The following FYCO1 variants were observed in gnomAD, a reference collection of about 807,000 sequenced individuals.
FYCO1 encodes FYVE and coiled-coil domain-containing protein 1.
Under a neutral mutation model 165.1 loss-of-function variants are expected in FYCO1, and 122 were observed. That is an observed-to-expected ratio of 0.74 (90% CI 0.64 to 0.86). FYCO1 has a LOEUF of 0.86. Among genes scored for constraint, FYCO1 ranks in the 40% least tolerant of loss-of-function variants. The pLI is 0.00. For synonymous variants in FYCO1, 648 were observed against 742.5 expected (o/e 0.87, Z 2.07); for missense variants, 1,702 against 1,810.3 (o/e 0.94, Z 1.09).
chr3:45,969,939 CAG>C (rs1197503220), intron 6 of FYCO1, among the ~76,000 whole-genome samples, 174 bp from the exon 7 acceptor site: 6 of 152,244 alleles, frequency 3.9e-5, no homozygotes, highest in African/African-American at 1.4e-4. Context: ...TGGTCTGTAA[CAG>C]ATAAATTCCA....
rs776140083 is a variant in FYCO1, at chr3:45,968,114, A to T, written c.1220T>A (p.Leu407His). 1 of 1,614,084 alleles carries T rather than the reference A, an allele frequency of 6.2e-7. No homozygotes were observed. The highest frequency in any genetic ancestry group is 1.6e-4 in the Middle Eastern group (1 of 6,062). Residue 407 changes from leucine to histidine, a missense_variant, in exon 8 of 18, where the codon CTT becomes CAT. Physicochemically the swap from Leu to His is moderately conservative, Grantham distance 99. Transcript: ENST00000296137. ...GGTTCTCTCCCTTTCTAGGGCTTGA[A>T]GCTTCTCCCCTAGCTCCTGCATCTC... Reference protein sequence around the residue: ...AQEMQELGEKLQALERERTKV... With the variant: ...AQEMQELGEKHQALERERTKV...
At chr3:45,932,276 G>A (rs1489841591) in intron 15 of FYCO1, among the ~76,000 whole-genome samples, 1 of 152,212 alleles carries the variant, frequency 6.6e-6, no homozygotes, top group Non-Finnish European at 1.5e-5. Flanking sequence ...TGCAACTTAG[G>A]AGCAGTGTGG....
chr3:45,950,115 C>T (rs1030041671), intron 14 of FYCO1, among the ~76,000 whole-genome samples: 1 of 152,114 alleles, frequency 6.6e-6, no homozygotes, highest in African/African-American at 2.4e-5. Context: ...TCTCAGCCCA[C>T]CCTTCTCCCT....
chr3:45,972,455 A>G (rs1706495071), intron 6 of FYCO1, among the ~76,000 whole-genome samples: 1 of 152,220 alleles, frequency 6.6e-6, no homozygotes, highest in South Asian at 2.1e-4. Flanking sequence ...AGCAAAACAA[A>G]ACAAAGAACA....
chr3:45,956,259 C>T (rs1408794777), intron 13 of FYCO1, among the ~76,000 whole-genome samples: 3 of 151,910 alleles, frequency 2.0e-5, no homozygotes, highest in Non-Finnish European at 2.9e-5. Flanking sequence ...TCACATGAAC[C>T]CAGGAGGCAG....
rs771271094 is a variant in FYCO1 at position 45,959,518 on chromosome 3, C to A, written c.3462G>T (p.Lys1154Asn). The A allele has an allele frequency of 6.2e-7, 1 of 1,614,070 alleles. No homozygotes were observed. The highest frequency in any genetic ancestry group is 1.1e-5 in the South Asian group (1 of 91,090). Residue 1154 changes from lysine to asparagine, a missense_variant, in exon 12 of 18, where the codon AAG becomes AAT. Lys to Asn is a moderately conservative substitution (Grantham distance 94). Transcript: ENST00000296137. ...TCTGCTGGAATTCCAGGGCATCTGA[C>A]TTCTGCCAGAGAGCATCCTTGTCCC... is the stretch of plus-strand genomic sequence containing the variant. The part of the protein sequence containing the change: ...LLRDKDALWQ[K>N]SDALEFQQKL...
chr3:45,956,284 C>T (rs1376885714), intron 13 of FYCO1, among the ~76,000 whole-genome samples: 1 of 151,064 alleles, frequency 6.6e-6, no homozygotes, highest in African/African-American at 2.4e-5. Context: ...TGCAGTGAGC[C>T]GAGATCGTAC....
At chr3:45,937,101 A>G (rs932150128) in intron 14 of FYCO1, among the ~76,000 whole-genome samples, 7 of 152,190 alleles carry the variant, frequency 4.6e-5, no homozygotes, top group African/African-American at 1.7e-4. Flanking sequence ...TGGAGCCAGA[A>G]CTAGATACCC....
intron 14 of FYCO1, chr3:45,938,101 G>A (rs775221274): frequency 8.8e-5 from 56 of 638,222 alleles, no homozygotes; most frequent in South Asian, 7.7e-4. Flanking sequence ...CAATTTTCCC[G>A]CATTCAGGAT....
At chr3:45,969,608 T>A (rs1434480892) in intron 7 of FYCO1, 67 bp downstream of exon 7, 4 of 1,263,552 alleles carry the variant, frequency 3.2e-6, no homozygotes, top group Non-Finnish European at 3.5e-6. Context: ...ACCCTTGAGT[T>A]GCTAGGGGCA....
intron 3 of FYCO1, among the ~76,000 whole-genome samples, chr3:45,980,498 A>G (rs1050194016): frequency 6.6e-6 from 1 of 152,234 alleles, no homozygotes; most frequent in Non-Finnish European, 1.5e-5. Flanking sequence ...CACCTACAAT[A>G]AATTTAAATA....
chr3:45,954,588 T>C (rs1306227286), intron 14 of FYCO1, among the ~76,000 whole-genome samples: 2 of 152,328 alleles, frequency 1.3e-5, no homozygotes, highest in South Asian at 2.1e-4. Context: ...GTTGCTGTTA[T>C]AGGCTGAATC....
At chr3:45,992,652 C>T (rs1559471265) in intron 1 of FYCO1, among the ~76,000 whole-genome samples, 1 of 152,284 alleles carries the variant, frequency 6.6e-6, no homozygotes, top group East Asian at 1.9e-4. Context: ...GAGAGGTAAA[C>T]TTCCTTCATG....
intron 1 of FYCO1, among the ~76,000 whole-genome samples, chr3:45,989,658 T>A (rs779457362): frequency 6.6e-6 from 1 of 152,226 alleles, no homozygotes; most frequent in Non-Finnish European, 1.5e-5. Flanking sequence ...CTCTCTTTCA[T>A]AAAGGGAATG....
At chr3:45,981,201 G>A (rs577966933) in intron 3 of FYCO1, among the ~76,000 whole-genome samples, 2 of 152,184 alleles carry the variant, frequency 1.3e-5, no homozygotes, top group South Asian at 2.1e-4. Flanking sequence ...GTGATTGTGT[G>A]TATACATACA....
chr3:45,919,947 A>C lies in FYCO1; in HGVS notation c.*1818T>G, dbSNP rs1312799416. ...ACTAAGCATGGTCAGAGCCTTGGCC[A>C]GGAGAAGATGATTGAGCACCTGATG... On this transcript the variant is annotated 3_prime_UTR_variant, in exon 18 of 18. Coordinates refer to ENST00000296137, the MANE Select transcript of FYCO1 (RefSeq NM_024513.4). 3.9e-5 allele frequency: 6 copies of C among 152,362 alleles called. No individual in the cohort carries two copies. The highest frequency in any genetic ancestry group is 1.4e-4 in the African/African-American group (6 of 41,588). 9.4% of individuals were successfully genotyped at this position (152,362 alleles called of 1,614,324 possible).
In FYCO1 at chr3:45,967,007, G is replaced by T. The variant is rs536061109; in HGVS notation, c.2327C>A (p.Ala776Glu). 1.2e-6 allele frequency: 2 copies of T among 1,613,040 alleles called. No individual in the cohort carries two copies. The highest frequency in any genetic ancestry group is 8.5e-7 in the Non-Finnish European group (1 of 1,180,004). ...ELAAQLALSQ[A>E]QLEVHQGEVQ... ...CTCCCCCTGATGGACTTCCAGCTGC[G>T]CCTGAGACAGGGCTAGCTGGGCAGC... The change falls in exon 8 of 18, where the codon GCG becomes GAG. Residue 776 changes from alanine (A) to glutamate (E), a missense_variant. Physicochemically the swap from Ala to Glu is moderately radical, Grantham distance 107 (BLOSUM62 -1). Transcript: ENST00000296137.
Position 45,965,083 on chromosome 3 carries a change from C to A in FYCO1, c.3100G>T (p.Glu1034Ter), listed in dbSNP as rs1248962390. Residue 1034 changes from glutamate (E) to a stop codon, truncating the protein, a stop_gained, in exon 9 of 18, where the codon GAG becomes TAG. Transcript: ENST00000296137. LOFTEE classifies it high-confidence loss of function. ...ECKSLRGQLEEQGRQLQAAEE... is the reference protein window; with the variant it reads ...ECKSLRGQLE ...GCAGCCTGCAGCTGCCGGCCTTGCT[C>A]CTCAAGCTGGCCCCTGAGGCTCTTG... 3.1e-6 allele frequency: 5 copies of A among 1,614,146 alleles called. No individual in the cohort carries two copies. The highest frequency in any genetic ancestry group is 4.2e-6 in the Non-Finnish European group (5 of 1,180,032).
rs1559455462 is a variant in FYCO1, at chr3:45,959,381, C to G, written c.3587+12G>C. 4 of 1,613,706 alleles carry G rather than the reference C, an allele frequency of 2.5e-6. No homozygotes were observed. The highest frequency in any genetic ancestry group is 1.3e-5 in the African/African-American group (1 of 74,934). On this transcript the variant is annotated intron_variant, in intron 12 of 17. Coordinates refer to ENST00000296137, the MANE Select transcript of FYCO1 (RefSeq NM_024513.4). ...CAGGGTGTTGGTGCCAACCCACGAG[C>G]TCCCTGCTGACCTGCAGTGGTGCCG...
Sources: allele counts gnomAD v4.1 joint callset (sites outside exome capture counted in the v4.1 genomes callset), GRCh38; gene constraint gnomAD v4.1.1; transcripts MANE v1.5; gene names NCBI Gene and HGNC (gene_info 2026-07-23, HGNC 2026-07-21).